Variants in CTNNA3 observed in about 807,000 individuals in gnomAD.
CTNNA3 encodes the protein catenin alpha 3, also known as catenin alpha-3.
Under a neutral mutation model 95.7 loss-of-function variants are expected in CTNNA3, and 76 were observed. The ratio of observed to expected loss-of-function variants is 0.79; its 90% CI spans 0.66 to 0.96. The LOEUF (loss-of-function observed/expected upper bound fraction) is 0.96, where lower values mean the gene tolerates loss of function less well. Ranked by LOEUF, CTNNA3 falls within the 40% of genes least tolerant of loss-of-function variation. The pLI is 0.00. For missense variants in CTNNA3, 1,191 were observed against 1,089.8 expected (o/e 1.09, Z -1.31); for synonymous variants, 431 against 374.4 (o/e 1.15, Z -1.74).
chr10:66,814,266 G>GAAAAAAAAAAAA (rs71035182), intron 7 of CTNNA3, among the ~76,000 whole-genome samples: 3 of 137,094 alleles, frequency 2.2e-5, no homozygotes, highest in Non-Finnish European at 3.2e-5. Flanking sequence ...AAGGAGGAAA[G>GAAAAAAAAAAAA]AAAAAAAAAA....
chr10:67,268,657 C>A (rs2132411023), intron 5 of CTNNA3, among the ~76,000 whole-genome samples: 1 of 152,280 alleles, frequency 6.6e-6, no homozygotes, highest in Admixed American at 6.5e-5. Context: ...CAGTTCCATA[C>A]TTAGACTGCA....
At chr10:66,958,824 A>AG in intron 7 of CTNNA3, among the ~76,000 whole-genome samples, 1 of 152,142 alleles carries the variant, frequency 6.6e-6, no homozygotes, top group Non-Finnish European at 1.5e-5. Flanking sequence ...GAAGGAAAGG[A>AG]ATTAAAATGG....
intron 7 of CTNNA3, among the ~76,000 whole-genome samples, chr10:67,177,441 A>T (rs558151170): frequency 1.5e-4 from 23 of 152,316 alleles, no homozygotes; most frequent in African/African-American, 5.5e-4. Flanking sequence ...TTCACCTAAA[A>T]GACTCACAGG....
At chr10:66,393,194 C>T (rs1443740532) in intron 11 of CTNNA3, among the ~76,000 whole-genome samples, 1 of 152,028 alleles carries the variant, frequency 6.6e-6, no homozygotes, top group Non-Finnish European at 1.5e-5. Context: ...GGCAAAGCTA[C>T]GGGAACAATA....
rs565940357 is a variant in CTNNA3 at position 67,234,303 on chromosome 10, A to G, written c.580-14433T>C. On this transcript the variant is annotated intron_variant, in intron 5 of 17. Transcript: ENST00000433211. ...AACCAAATCCAGCAGCACATCAAAA[A>G]GCTTATCCACCATGATCAAGTGGGC... Among the ~76,000 whole-genome samples, 5 of 152,350 alleles carry G rather than the reference A, an allele frequency of 3.3e-5. No individual in the cohort carries two copies. The South Asian group carries it at 1.0e-3, about 32-fold the overall frequency.
intron 7 of CTNNA3, among the ~76,000 whole-genome samples, chr10:66,808,122 A>C (rs2132254957): frequency 6.6e-6 from 1 of 152,246 alleles, no homozygotes; most frequent in African/African-American, 2.4e-5. Context: ...ATCGGCAAAA[A>C]TGTAAGAGAA....
chr10:66,499,502 A>AT (rs961194111), intron 11 of CTNNA3, among the ~76,000 whole-genome samples: 21 of 151,226 alleles, frequency 1.4e-4, no homozygotes, highest in South Asian at 2.1e-4. Flanking sequence ...AGGAAAAACA[A>AT]TTTTTTTTTG....
intron 7 of CTNNA3, among the ~76,000 whole-genome samples, chr10:66,966,755 G>T (rs1470629627): frequency 1.3e-5 from 2 of 151,720 alleles, no homozygotes; most frequent in Non-Finnish European, 2.9e-5. Flanking sequence ...AACTTAGCAG[G>T]GTTCTAAATC....
At chr10:67,698,168 C>T (rs1050999162), upstream of CTNNA3, among the ~76,000 whole-genome samples, 32 of 151,980 alleles carry the variant, frequency 2.1e-4, no homozygotes, top group African/African-American at 7.7e-4. Flanking sequence ...TTTCTTTATA[C>T]TTTGCAAACT....
At chr10:67,572,668 T>C (rs544452337) in intron 3 of CTNNA3, among the ~76,000 whole-genome samples, 2 of 152,302 alleles carry the variant, frequency 1.3e-5, no homozygotes, top group South Asian at 4.2e-4. Context: ...TACACAGAAA[T>C]AGCAACATTT....
At chr10:67,647,352 T>A in intron 2 of CTNNA3, 63 bp downstream of exon 2, 1 of 1,158,164 alleles carries the variant, frequency 8.6e-7, no homozygotes, top group Non-Finnish European at 1.2e-6. Flanking sequence ...ATTATTCATT[T>A]TTCCCACATA....
intron 7 of CTNNA3, among the ~76,000 whole-genome samples, chr10:67,120,203 T>C (rs571483237): frequency 2.0e-5 from 3 of 151,968 alleles, no homozygotes; most frequent in Non-Finnish European, 4.4e-5. Flanking sequence ...GCAATTATTA[T>C]GAAATGACTT....
At chr10:66,262,488 T>G (rs927455341) in intron 13 of CTNNA3, among the ~76,000 whole-genome samples, 12 of 152,130 alleles carry the variant, frequency 7.9e-5, no homozygotes, top group African/African-American at 2.9e-4. Flanking sequence ...CACACTAACT[T>G]TTATTTGGGG....
intron 7 of CTNNA3, among the ~76,000 whole-genome samples, chr10:66,896,887 G>A (rs999826083): frequency 2.0e-5 from 3 of 152,062 alleles, no homozygotes; most frequent in South Asian, 2.1e-4. Context: ...TCCTTGTTGC[G>A]CTCCTGCAGT....
chr10:67,539,720 A>G, intron 3 of CTNNA3, 51 bp from the exon 4 acceptor site: 1 of 1,529,184 alleles, frequency 6.5e-7, no homozygotes, highest in Non-Finnish European at 9.0e-7. Flanking sequence ...AACTATGCCT[A>G]TTTCAGGATT....
intron 11 of CTNNA3, among the ~76,000 whole-genome samples, chr10:66,461,819 T>C (rs182450178): frequency 0.012 from 1,848 of 150,762 alleles, 24 homozygotes; most frequent in Middle Eastern, 0.037. Context: ...CTCCAATTTT[T>C]TTTTTTTTTT....
At chr10:67,607,080 T>G in intron 2 of CTNNA3, 31 bp from the exon 3 acceptor site, 3 of 1,520,106 alleles carry the variant, frequency 2.0e-6, no homozygotes, top group Middle Eastern at 1.8e-4. Flanking sequence ...AGTACTAAAT[T>G]GACAAATTGT....
intron 7 of CTNNA3, among the ~76,000 whole-genome samples, chr10:66,998,801 G>A (rs1026792201): frequency 6.6e-6 from 1 of 152,114 alleles, no homozygotes; most frequent in Non-Finnish European, 1.5e-5. Flanking sequence ...ACATCAGGCA[G>A]CAGAAGGCAT....
At chr10:65,935,375 A>T (rs1270526631) in intron 17 of CTNNA3, among the ~76,000 whole-genome samples, 1 of 152,124 alleles carries the variant, frequency 6.6e-6, no homozygotes, top group African/African-American at 2.4e-5. Context: ...TTCTGCTTAT[A>T]ATCATGCCAT....
Sources: gnomAD v4.1 joint callset for allele counts (sites outside exome capture counted in the v4.1 genomes callset) on GRCh38, gnomAD v4.1.1 for gene constraint, MANE v1.5 for transcripts, NCBI Gene and HGNC (gene_info 2026-07-23, HGNC 2026-07-21) for gene names.